Variants in CCDC60 observed in about 807,000 individuals in gnomAD.
The protein encoded by CCDC60 is coiled-coil domain-containing protein 60.
A neutral mutation model predicts 63.5 loss-of-function variants in CCDC60; 54 were observed. That is an observed-to-expected ratio of 0.85 (90% confidence interval 0.68 to 1.07). The LOEUF is 1.07. Among genes scored for constraint, CCDC60 ranks in the 50% least tolerant of loss-of-function variants. The pLI is 0.00. For missense variants in CCDC60, 651 were observed against 684.3 expected (o/e 0.95, Z 0.54); for synonymous variants, 206 against 238.8 (o/e 0.86, Z 1.27).
intron 2 of CCDC60, among the ~76,000 whole-genome samples, chr12:119,450,625 G>A (rs1019953947): frequency 2.0e-5 from 3 of 152,118 alleles, no homozygotes; most frequent in East Asian, 1.9e-4. Context: ...TTGGGAGGCC[G>A]AGGTGGGCGG....
chr12:119,373,314 C>A (rs1955916637), intron 1 of CCDC60, among the ~76,000 whole-genome samples: 1 of 152,138 alleles, frequency 6.6e-6, no homozygotes, highest in Non-Finnish European at 1.5e-5. Context: ...TAAGAGAACA[C>A]TGATTGACCT....
At chr12:119,396,245 C>G (rs1238861861) in intron 1 of CCDC60, among the ~76,000 whole-genome samples, 1 of 152,146 alleles carries the variant, frequency 6.6e-6, no homozygotes, top group Non-Finnish European at 1.5e-5. Flanking sequence ...GCCTTATCCT[C>G]TCCTTTTCTT....
At position 119,420,610 on chromosome 12, in the gene CCDC60, G is replaced by A. The variant is rs955512704; in HGVS notation, c.91-8073G>A. On this transcript the variant is annotated intron_variant, in intron 1 of 13. Coordinates refer to ENST00000327554, the MANE Select transcript of CCDC60 (RefSeq NM_178499.5). This position sits in a 1 kb window ranked among gnomAD's most constrained non-coding sequence, Gnocchi z 4.1. ...GGGGCAGAAGGTGGGAATGGCTAAC[G>A]GGTACCAAAAAAATAGAAAGAATGA... Among the ~76,000 whole-genome samples, 8 of 152,124 alleles carry A rather than the reference G, an allele frequency of 5.3e-5. No individual in the cohort carries two copies. Among genetic ancestry groups the A allele is most frequent in the African/African-American group, 1.9e-4 (8 of 41,528 alleles).
At chr12:119,515,132 T>C (rs956897526) in intron 7 of CCDC60, among the ~76,000 whole-genome samples, 3 of 152,166 alleles carry the variant, frequency 2.0e-5, no homozygotes, top group African/African-American at 7.2e-5. Flanking sequence ...ATGATGCATT[T>C]CTCAAGATGG....
At position 119,516,694 on chromosome 12, in the gene CCDC60, A is replaced by C; in HGVS notation, c.955A>C (p.Arg319=). The C allele has an allele frequency of 6.2e-7, 1 of 1,612,572 alleles. No individual in the cohort carries two copies. Among genetic ancestry groups the C allele is most frequent in the Non-Finnish European group, 8.5e-7 (1 of 1,178,626 alleles). ...AGTCACAATAGAAAATGGGATGCAA[A>C]GAAAAGCACCCAGGTATGTGCTCTT... ...RTVTIENGMQ[R]KAPSILSVLK... Residue 319 remains arginine (R), a synonymous_variant, in exon 8 of 14, where the codon AGA becomes CGA. Transcript: ENST00000327554.
intron 1 of CCDC60, among the ~76,000 whole-genome samples, chr12:119,393,247 G>A (rs1593018017): frequency 2.0e-5 from 3 of 152,104 alleles, no homozygotes; most frequent in Admixed American, 2.0e-4. Flanking sequence ...AAACTCAATC[G>A]TGTGTTTTTG....
At position 119,505,164 on chromosome 12, in the gene CCDC60, C is replaced by T; in HGVS notation, c.744C>T (p.Ser248=). 1 of 1,614,072 alleles carries T rather than the reference C, an allele frequency of 6.2e-7. No homozygotes were observed. The highest frequency in any genetic ancestry group is 8.5e-7 in the Non-Finnish European group (1 of 1,180,004). Residue 248 remains serine, a synonymous_variant, in exon 7 of 14, where the codon TCC becomes TCT. Coordinates refer to ENST00000327554, the MANE Select transcript of CCDC60 (RefSeq NM_178499.5). ...GTCTGAGTCGGGCCAGTGGGGGGTC[C>T]TCTCCCCAGAGCAGCATGATCTCTG... ...TLSLSRASGG[S]SPQSSMISVN...
At chr12:119,418,181 A>G (rs1956738460) in intron 1 of CCDC60, among the ~76,000 whole-genome samples, 1 of 152,004 alleles carries the variant, frequency 6.6e-6, no homozygotes, top group Middle Eastern at 3.2e-3. Context: ...ATATGTATGT[A>G]TGTACTATAT....
intron 1 of CCDC60, among the ~76,000 whole-genome samples, chr12:119,368,764 G>A (rs929044206): frequency 2.6e-5 from 4 of 152,148 alleles, no homozygotes; most frequent in Admixed American, 1.3e-4. Context: ...GACAATCCCT[G>A]CTCGTAATTA....
At chr12:119,506,722 C>T (rs1952017747) in intron 7 of CCDC60, among the ~76,000 whole-genome samples, 3 of 152,122 alleles carry the variant, frequency 2.0e-5, no homozygotes, top group African/African-American at 7.2e-5. Flanking sequence ...CAAACACACA[C>T]ATATACACAA....
intron 1 of CCDC60, among the ~76,000 whole-genome samples, chr12:119,360,190 C>T (rs1280491241): frequency 6.9e-6 from 1 of 145,720 alleles, no homozygotes; most frequent in Non-Finnish European, 1.5e-5. Context: ...CCCTCCCGGA[C>T]AGGGCGGCTG....
intron 1 of CCDC60, among the ~76,000 whole-genome samples, chr12:119,423,595 A>G (rs1055683361): frequency 1.3e-5 from 2 of 152,144 alleles, no homozygotes; most frequent in African/African-American, 4.8e-5. Context: ...CTAAAACTAC[A>G]TCTCCTCCAT....
chr12:119,463,693 T>G (rs1273660832), intron 2 of CCDC60, among the ~76,000 whole-genome samples: 3 of 152,254 alleles, frequency 2.0e-5, no homozygotes. Context: ...GTGAATGCTT[T>G]GCAGCATCTC....
chr12:119,419,654 T>G (rs1374846923), intron 1 of CCDC60, among the ~76,000 whole-genome samples: 1 of 152,138 alleles, frequency 6.6e-6, no homozygotes, highest in Non-Finnish European at 1.5e-5. Context: ...CCCTGTACCA[T>G]GTGCTGAGTA....
chr12:119,486,401 G>C (rs185022794), intron 4 of CCDC60, among the ~76,000 whole-genome samples: 1 of 152,250 alleles, frequency 6.6e-6, no homozygotes, highest in East Asian at 1.9e-4. Flanking sequence ...AGCTGGGCAT[G>C]GTGATGCATG....
chr12:119,346,397 G>A (rs569204667), intron 1 of CCDC60, among the ~76,000 whole-genome samples: 19 of 152,244 alleles, frequency 1.2e-4, no homozygotes, highest in Non-Finnish European at 1.9e-4. Flanking sequence ...TTTGCAACCT[G>A]TCCAGAGACA....
chr12:119,480,911 CCATCACCATCATCATCACCATCAT>C (rs1951299988), intron 4 of CCDC60, among the ~76,000 whole-genome samples: 1 of 141,634 alleles, frequency 7.1e-6, no homozygotes, highest in African/African-American at 2.6e-5. Flanking sequence ...ACCATCCTCA[CCATCACCATCATCATCACCATCAT>C]CATCACCACC....
chr12:119,441,057 A>AC (rs1950435089), intron 2 of CCDC60, among the ~76,000 whole-genome samples: 1 of 152,090 alleles, frequency 6.6e-6, no homozygotes, highest in Non-Finnish European at 1.5e-5. Context: ...TTTCTCCCTG[A>AC]CCCCAGCTGT....
intron 1 of CCDC60, among the ~76,000 whole-genome samples, chr12:119,387,477 C>T (rs1004117433): frequency 6.6e-6 from 1 of 152,098 alleles, no homozygotes; most frequent in African/African-American, 2.4e-5. Context: ...GGACAAATGC[C>T]ATACATAAAA....
Sources: gnomAD v4.1 joint callset for allele counts (sites outside exome capture counted in the v4.1 genomes callset) on GRCh38, gnomAD v4.1.1 for gene constraint, Gnocchi (gnomAD v3.1) non-coding constraint, MANE v1.5 for transcripts, NCBI Gene and HGNC (gene_info 2026-07-23, HGNC 2026-07-21) for gene names.